The following COL5A2 variants were observed in gnomAD, a reference collection of about 807,000 sequenced individuals.
COL5A2 encodes collagen alpha-2(V) chain.
In COL5A2, 23 loss-of-function variants were observed where a neutral mutation model predicts 208.2. The observed-to-expected ratio is 0.11, with a 90% CI of 0.08 to 0.16. The LOEUF (loss-of-function observed/expected upper bound fraction) is 0.16, where lower values mean the gene tolerates loss of function less well. Among genes scored for constraint, COL5A2 ranks in the 10% least tolerant of loss-of-function variants. The pLI is 1.00. For missense variants in COL5A2, 1,590 were observed against 1,956.4 expected, an observed-to-expected ratio of 0.81 and a Z score of 3.53; for synonymous variants, 625 against 628.5, an observed-to-expected ratio of 0.99 and a Z score of 0.08.
the COL5A2 span, among the ~76,000 whole-genome samples, chr2:189,242,782 C>A: frequency 1.3e-5 from 2 of 152,084 alleles, no homozygotes; most frequent in African/African-American, 4.8e-5. Flanking sequence ...GAGGAATAAA[C>A]AGGGGATAAG....
At chr2:189,375,315 C>G in the COL5A2 span, among the ~76,000 whole-genome samples, 1 of 152,100 alleles carries the variant, frequency 6.6e-6, no homozygotes, top group African/African-American at 2.4e-5. Flanking sequence ...CCACACCCAG[C>G]CTATATTTTT....
At chr2:189,326,289 T>G in the COL5A2 span, among the ~76,000 whole-genome samples, 2 of 152,162 alleles carry the variant, frequency 1.3e-5, no homozygotes, top group African/African-American at 4.8e-5. Context: ...TAATTTATTT[T>G]AAAAGTTTAA....
intron 1 of COL5A2, among the ~76,000 whole-genome samples, chr2:189,155,159 A>AT (rs767046109): frequency 2.2e-4 from 33 of 150,576 alleles, no homozygotes; most frequent in Middle Eastern, 3.4e-3. Context: ...TTTTTAAATA[A>AT]TTTTTTTTTG....
chr2:189,424,569 G>A, the COL5A2 span, among the ~76,000 whole-genome samples: 1 of 151,952 alleles, frequency 6.6e-6, no homozygotes, highest in African/African-American at 2.4e-5. Context: ...TCCACTTATA[G>A]TAGCTACAAA....
chr2:189,266,443 T>C, the COL5A2 span, among the ~76,000 whole-genome samples: 2 of 151,102 alleles, frequency 1.3e-5, no homozygotes, highest in South Asian at 4.2e-4. Flanking sequence ...AAAAAAGATA[T>C]GAAATATAGA....
chr2:189,160,682 A>G (rs1269525991), intron 1 of COL5A2, among the ~76,000 whole-genome samples: 1 of 152,144 alleles, frequency 6.6e-6, no homozygotes, highest in Non-Finnish European at 1.5e-5. Context: ...TTGCCAAAAA[A>G]ATCAAAACTC....
chr2:189,353,797 T>C, the COL5A2 span, among the ~76,000 whole-genome samples: 2 of 152,184 alleles, frequency 1.3e-5, no homozygotes, highest in African/African-American at 2.4e-5. Context: ...TATTGCCTGA[T>C]TGCCCTAGCC....
At chr2:189,104,963 AT>A (rs1257263202) in intron 2 of COL5A2, among the ~76,000 whole-genome samples, 1 of 151,662 alleles carries the variant, frequency 6.6e-6, no homozygotes, top group African/African-American at 2.4e-5. Flanking sequence ...AACACAATCT[AT>A]TTAACTAATT....
chr2:189,215,294 C>T (rs1689265325), intron 1 of COL5A2, among the ~76,000 whole-genome samples: 1 of 152,116 alleles, frequency 6.6e-6, no homozygotes, highest in African/African-American at 2.4e-5. Flanking sequence ...GATGGTTGGT[C>T]ACTCTAAGAA....
chr2:189,039,599 T>C, intron 50 of COL5A2, 36 bp from the exon 51 acceptor site: 1 of 1,597,146 alleles, frequency 6.3e-7, no homozygotes, highest in Non-Finnish European at 8.5e-7. Flanking sequence ...ATTTAACACA[T>C]TGTTTTTGTT....
In COL5A2 at chr2:189,051,491, C is replaced by A. The variant is rs1559079941; in HGVS notation, c.2770-10G>T. ...CAGGTCCTGGAGCTCCCTAGTATAA[C>A]AAAGAAAGAAACACCAAGGAGGGCA... On this transcript the variant is annotated splice_polypyrimidine_tract_variant and intron_variant, in intron 41 of 53. Transcript: ENST00000374866. The A allele has an allele frequency of 6.3e-7, 1 of 1,593,962 alleles. No homozygotes were observed. Among genetic ancestry groups the A allele is most frequent in the Admixed American group, 1.8e-5 (1 of 55,314 alleles).
At chr2:189,407,352 T>A in the COL5A2 span, among the ~76,000 whole-genome samples, 10 of 152,186 alleles carry the variant, frequency 6.6e-5, no homozygotes, top group South Asian at 1.9e-3. Context: ...GGGAAGTGTT[T>A]ACATCACTCA....
At chr2:189,081,578 T>C (rs1398209285) in intron 12 of COL5A2, among the ~76,000 whole-genome samples, 2 of 151,996 alleles carry the variant, frequency 1.3e-5, no homozygotes, top group Admixed American at 6.6e-5. Flanking sequence ...AGTATTATAA[T>C]GTGGTCAGGA....
the COL5A2 span, among the ~76,000 whole-genome samples, chr2:189,401,373 C>T: frequency 3.3e-5 from 5 of 152,168 alleles, no homozygotes; most frequent in African/African-American, 7.2e-5. Flanking sequence ...GCTCCATCCA[C>T]GTCCCTGCAA....
At chr2:189,119,502 AC>A (rs1333101682) in intron 1 of COL5A2, among the ~76,000 whole-genome samples, 7 of 152,062 alleles carry the variant, frequency 4.6e-5, no homozygotes, top group Non-Finnish European at 8.8e-5. Context: ...ACATGGGCAA[AC>A]TTTATTAGAA....
chr2:189,258,276 A>G, the COL5A2 span, among the ~76,000 whole-genome samples: 1 of 152,260 alleles, frequency 6.6e-6, no homozygotes, highest in Non-Finnish European at 1.5e-5. Flanking sequence ...CCAGATAATT[A>G]CATTGATAAT....
intron 1 of COL5A2, among the ~76,000 whole-genome samples, chr2:189,134,046 G>T (rs1221175059): frequency 6.6e-6 from 1 of 151,996 alleles, no homozygotes. Flanking sequence ...TACTAAAAAT[G>T]ATATGCTGAT....
At position 189,033,995 on chromosome 2, in the gene COL5A2, TCAAA is replaced by T; in HGVS notation, c.*71_*74del. ...TACTTCAAGAGTCTCAGGATCAACTTCAAACAGTCAAAGTTCTTGTGAATGGCGG... is the reference window on the plus strand; with the variant it reads ...TACTTCAAGAGTCTCAGGATCAACTTCAGTCAAAGTTCTTGTGAATGGCGG... On this transcript the variant is annotated 3_prime_UTR_variant, in exon 54 of 54. Transcript: ENST00000374866. 1 of 1,601,446 alleles carries T rather than the reference TCAAA, an allele frequency of 6.2e-7. No individual in the cohort carries two copies.
chr2:189,167,978 C>T (rs1297490718), intron 1 of COL5A2, among the ~76,000 whole-genome samples: 2 of 146,204 alleles, frequency 1.4e-5, no homozygotes, highest in Non-Finnish European at 3.0e-5. Context: ...CTCGCTGTCA[C>T]CCAGGCTGGA....
Sources: gnomAD v4.1 joint callset for allele counts (sites outside exome capture counted in the v4.1 genomes callset) on GRCh38, gnomAD v4.1.1 for gene constraint, MANE v1.5 for transcripts, NCBI Gene and HGNC (gene_info 2026-07-23, HGNC 2026-07-21) for gene names.